MEGF11: variants seen among roughly 807,000 people sequenced by gnomAD.
The protein encoded by MEGF11 is multiple EGF like domains 11, also known as multiple epidermal growth factor-like domains protein 11.
MEGF11 carries 126 observed loss-of-function variants against 146.6 expected under a neutral mutation model. That is an observed-to-expected ratio of 0.86 (90% CI 0.74 to 1.00). The LOEUF is 1.00. Among genes scored for constraint, MEGF11 ranks in the 50% least tolerant of loss-of-function variants. The pLI is 0.00. For synonymous variants in MEGF11, 532 were observed against 583.4 expected, an observed-to-expected ratio of 0.91 and a Z score of 1.27; for missense variants, 1,509 against 1,521.2, an observed-to-expected ratio of 0.99 and a Z score of 0.13.
rs551038375 is a variant in MEGF11, at chr15:66,074,479, G to A, written c.394+19923C>T. On this transcript the variant is annotated intron_variant, in intron 5 of 25. Transcript: ENST00000395614. ...ATAATGCAGGCTTGCGCCTGTTGGA[G>A]AGGCTCTCTGGAGCCGAGTTTTTCA... Among the ~76,000 whole-genome samples, 7 of 152,268 alleles carry A rather than the reference G, an allele frequency of 4.6e-5. No homozygotes were observed. The East Asian group carries it at 5.8e-4, about 13-fold the overall frequency.
chr15:65,962,726 C>T lies in MEGF11; in HGVS notation c.1112+2182G>A, dbSNP rs527748889. ...CTGAAGGCCTACTCTGTGCAGGCACCGTGCAATGCTGAGGCTAGAGGCCAC... is the reference window on the plus strand; with the variant it reads ...CTGAAGGCCTACTCTGTGCAGGCACTGTGCAATGCTGAGGCTAGAGGCCAC... On this transcript the variant is annotated intron_variant, in intron 9 of 25. Coordinates refer to ENST00000395614, the MANE Select transcript of MEGF11 (RefSeq NM_001385028.1). Among the ~76,000 whole-genome samples, 132 of 152,142 alleles carry T rather than the reference C, an allele frequency of 8.7e-4. 1 individual carries two copies. Among genetic ancestry groups the T allele is most frequent in the African/African-American group, 2.3e-3 (97 of 41,494 alleles).
intron 4 of MEGF11, among the ~76,000 whole-genome samples, chr15:66,112,865 T>C (rs568643567): frequency 5.3e-5 from 8 of 152,220 alleles, no homozygotes; most frequent in East Asian, 1.9e-4. Flanking sequence ...AAATAAAGCA[T>C]AGGAGCATTG....
At chr15:65,901,519 GTC>G (rs1648809133) in intron 24 of MEGF11, among the ~76,000 whole-genome samples, 1 of 151,884 alleles carries the variant, frequency 6.6e-6, no homozygotes, top group Non-Finnish European at 1.5e-5. Flanking sequence ...AACCCCTATT[GTC>G]TCTTAGTTGA....
intron 7 of MEGF11, among the ~76,000 whole-genome samples, chr15:65,975,726 G>T (rs768117680): frequency 1.1e-4 from 16 of 152,198 alleles, no homozygotes; most frequent in Non-Finnish European, 1.9e-4. Context: ...AGTCTTCCAG[G>T]TGGTTATAAA....
At chr15:66,072,944 G>C (rs554722848) in intron 5 of MEGF11, among the ~76,000 whole-genome samples, 1 of 152,242 alleles carries the variant, frequency 6.6e-6, no homozygotes, top group Non-Finnish European at 1.5e-5. Flanking sequence ...GGGAACAGCA[G>C]AACCTTAATA....
At chr15:66,222,903 G>A (rs761018049) in intron 1 of MEGF11, among the ~76,000 whole-genome samples, 2 of 152,174 alleles carry the variant, frequency 1.3e-5, no homozygotes, top group African/African-American at 2.4e-5. Flanking sequence ...ATGTAAAATG[G>A]TGTAGCCACT....
At chr15:66,151,850 C>A (rs113514115) in intron 1 of MEGF11, among the ~76,000 whole-genome samples, 1 of 152,212 alleles carries the variant, frequency 6.6e-6, no homozygotes, top group Middle Eastern at 3.2e-3. Context: ...AGAAGGGGAG[C>A]AGGGCTGGCT....
chr15:66,064,587 A>G (rs11856955), intron 5 of MEGF11, among the ~76,000 whole-genome samples: 87,884 of 151,466 alleles, frequency 0.58, 30,460 homozygotes, highest in Non-Finnish European at 0.76. Context: ...GTGTGATCTC[A>G]GCTCACTGCA....
chr15:66,162,807 G>A (rs150190591), intron 1 of MEGF11, among the ~76,000 whole-genome samples: 2 of 151,694 alleles, frequency 1.3e-5, no homozygotes, highest in Admixed American at 1.3e-4. Flanking sequence ...TACCTCAACA[G>A]GAAAGGAAAA....
chr15:66,253,290 CCCGCACGTGGAGGCG>C (rs912840155), intron 1 of MEGF11, among the ~76,000 whole-genome samples: 3 of 152,198 alleles, frequency 2.0e-5, no homozygotes, highest in Non-Finnish European at 4.4e-5. Context: ...CGGGTCTTCC[CCCGCACGTGGAGGCG>C]CCGCGGACGC....
chr15:66,095,885 C>T (rs1032483003), intron 4 of MEGF11, among the ~76,000 whole-genome samples: 6 of 152,218 alleles, frequency 3.9e-5, no homozygotes, highest in African/African-American at 1.4e-4. Flanking sequence ...TGAGAAGCGG[C>T]TAACCCAGTG....
intron 1 of MEGF11, among the ~76,000 whole-genome samples, chr15:66,183,510 C>T (rs1053139989): frequency 3.3e-5 from 5 of 150,022 alleles, no homozygotes; most frequent in Middle Eastern, 3.4e-3. Flanking sequence ...GCCACCAACA[C>T]CCCGTGCCAC....
chr15:65,912,017 T>G, intron 21 of MEGF11, 65 bp downstream of exon 21: 1 of 961,260 alleles, frequency 1.0e-6, no homozygotes. Flanking sequence ...AGTTCCTTCC[T>G]GGGCAGAGGT....
Position 66,104,181 on chromosome 15 carries a change from C to T in MEGF11, c.302-9687G>A, listed in dbSNP as rs1243058976. ...CAGGAAGGTCTTCATCTAGAATGTG[C>T]TCCACATGGGGCTGATGGGTCCCAA... is the stretch of plus-strand genomic sequence containing the variant. On this transcript the variant is annotated intron_variant, in intron 4 of 25. Coordinates refer to ENST00000395614, the MANE Select transcript of MEGF11 (RefSeq NM_001385028.1). Among the ~76,000 whole-genome samples the T allele has an allele frequency of 2.0e-5, 3 of 152,368 alleles. No homozygotes were observed. The East Asian group carries it at 5.8e-4, about 29-fold the overall frequency.
intron 1 of MEGF11, among the ~76,000 whole-genome samples, chr15:66,141,271 TGTGTGTGTGTGTGTGTGTGAGAGA>T (rs2089142868): frequency 7.1e-6 from 1 of 141,668 alleles, no homozygotes. Context: ...TGTGTGTGTG[TGTGTGTGTGTGTGTGTGTGAGAGA>T]GAGAGAGAGA....
intron 1 of MEGF11, among the ~76,000 whole-genome samples, chr15:66,195,550 G>A (rs1003869448): frequency 1.3e-5 from 2 of 152,212 alleles, no homozygotes; most frequent in African/African-American, 4.8e-5. Flanking sequence ...GAGAGGAACC[G>A]AGAAGAAGGG....
In MEGF11 at chr15:65,909,140, T is replaced by C; in HGVS notation, c.2897-5A>G. 1.3e-6 allele frequency: 2 copies of C among 1,519,392 alleles called. No homozygotes were observed. The highest frequency in any genetic ancestry group is 1.8e-6 in the Non-Finnish European group (2 of 1,132,074). The allele number at this position is 1,519,392 out of a possible 1,614,324, so 94.1% of individuals were successfully genotyped here. On this transcript the variant is annotated splice_region_variant and splice_polypyrimidine_tract_variant and intron_variant, in intron 22 of 25. Transcript: ENST00000395614. Reference sequence around the variant, plus strand: ...CACTGATCTGGAAATGGGAGTCTAGTGAGAGGAATGACAGGGAGGAGCCAT... The same window carrying C: ...CACTGATCTGGAAATGGGAGTCTAGCGAGAGGAATGACAGGGAGGAGCCAT...
intron 10 of MEGF11, among the ~76,000 whole-genome samples, chr15:65,950,584 G>GAC (rs57977250): frequency 0.014 from 2,094 of 148,870 alleles, 21 homozygotes; most frequent in Admixed American, 0.035. Flanking sequence ...TAGACACACA[G>GAC]ACACACACAC....
chr15:65,916,278 T>C lies in MEGF11; in HGVS notation c.2216-2A>G, dbSNP rs1048505168. On this transcript the variant is annotated splice_acceptor_variant, in intron 17 of 25. Transcript: ENST00000395614. LOFTEE classifies it high-confidence loss of function. Reference sequence around the variant, plus strand: ...TCCCAAAAAATGCTGCTGGGCAGCCTAGAGAAACAGGATTTCCAGTCACGA... The same window carrying C: ...TCCCAAAAAATGCTGCTGGGCAGCCCAGAGAAACAGGATTTCCAGTCACGA... 83 of 1,553,760 alleles carry C rather than the reference T, an allele frequency of 5.3e-5. No homozygotes were observed. The highest frequency in any genetic ancestry group is 6.2e-5 in the Non-Finnish European group (71 of 1,148,282).
Sources: gnomAD v4.1 joint callset for allele counts (sites outside exome capture counted in the v4.1 genomes callset) on GRCh38, gnomAD v4.1.1 for gene constraint, MANE v1.5 for transcripts, NCBI Gene and HGNC (gene_info 2026-07-23, HGNC 2026-07-21) for gene names.